Variants in CHST11 observed in about 807,000 individuals in gnomAD.
CHST11 encodes carbohydrate sulfotransferase 11.
Under a neutral mutation model 30.4 loss-of-function variants are expected in CHST11, and 9 were observed. The observed-to-expected ratio is 0.30, with a 90% confidence interval of 0.18 to 0.52. The LOEUF (loss-of-function observed/expected upper bound fraction) is 0.52, where lower values mean the gene tolerates loss of function less well. Ranked by LOEUF, CHST11 falls within the 20% of genes least tolerant of loss-of-function variation. The pLI is 0.97. For missense variants in CHST11, 348 were observed against 460.6 expected (o/e 0.76, Z 2.24); for synonymous variants, 152 against 187.8 (o/e 0.81, Z 1.56).
intron 2 of CHST11, among the ~76,000 whole-genome samples, chr12:104,749,415 A>G (rs1381852541): frequency 1.3e-5 from 2 of 152,142 alleles, no homozygotes; most frequent in Non-Finnish European, 2.9e-5. Context: ...TTTTTATTTC[A>G]TACTGCACAT....
At position 104,711,056 on chromosome 12, in the gene CHST11, G is replaced by T. The variant is rs118054781; in HGVS notation, c.205-45893G>T. ...AGCAAAACTTCCATTTTAACATCCT[G>T]TTGCAATTATCAAATATTTGCGTGG... On this transcript the variant is annotated intron_variant, in intron 2 of 2. Coordinates refer to ENST00000303694, the MANE Select transcript of CHST11 (RefSeq NM_018413.6). 6.8e-4 allele frequency among the ~76,000 whole-genome samples: 104 copies of T among 152,226 alleles called. No individual in the cohort carries two copies. The East Asian group carries it at 0.018, about 27-fold the overall frequency.
intron 2 of CHST11, among the ~76,000 whole-genome samples, chr12:104,663,227 G>T (rs577995835): frequency 2.6e-5 from 4 of 152,306 alleles, no homozygotes; most frequent in African/African-American, 9.6e-5. Flanking sequence ...CTTCCATCTC[G>T]TGACGTTCTA....
intron 2 of CHST11, among the ~76,000 whole-genome samples, chr12:104,740,919 C>A (rs558032187): frequency 6.6e-6 from 1 of 152,368 alleles, no homozygotes; most frequent in Non-Finnish European, 1.5e-5. Flanking sequence ...CTTCCTGTTC[C>A]ACTTTCACTA....
Position 104,510,406 on chromosome 12 carries a change from A to G in CHST11, c.118+52877A>G, listed in dbSNP as rs183594308. On this transcript the variant is annotated intron_variant, in intron 1 of 2. Transcript: ENST00000303694. ...TGTTTGCAATTTATGCATGATGAAG[A>G]TAAGAATGTTACTTCGTGCTGTTCT... Among the ~76,000 whole-genome samples, 653 of 152,356 alleles carry G rather than the reference A, an allele frequency of 4.3e-3. 8 individuals carry two copies. The highest frequency in any genetic ancestry group is 2.2e-3 in the Non-Finnish European group (150 of 68,038).
intron 2 of CHST11, among the ~76,000 whole-genome samples, chr12:104,617,176 A>G (rs780532823): frequency 6.6e-6 from 1 of 152,190 alleles, no homozygotes; most frequent in South Asian, 2.1e-4. Context: ...AGGTCACCGC[A>G]GTACCTGTAA....
At chr12:104,507,170 G>A (rs540218385) in intron 1 of CHST11, among the ~76,000 whole-genome samples, 10 of 152,304 alleles carry the variant, frequency 6.6e-5, no homozygotes, top group East Asian at 3.9e-4. Context: ...CTCCCTGTGC[G>A]TGTTGCAGAG....
chr12:104,728,623 T>C (rs1356276018), intron 2 of CHST11, among the ~76,000 whole-genome samples: 1 of 152,172 alleles, frequency 6.6e-6, no homozygotes. Flanking sequence ...CATGATGTGC[T>C]CTTGTCCCAC....
intron 1 of CHST11, among the ~76,000 whole-genome samples, chr12:104,520,519 A>G (rs1384311334): frequency 6.6e-6 from 1 of 152,208 alleles, no homozygotes; most frequent in Non-Finnish European, 1.5e-5. Context: ...AAACAAAAAA[A>G]AACAAACCTC....
chr12:104,534,223 A>C (rs1266823994), intron 1 of CHST11, among the ~76,000 whole-genome samples: 3 of 152,214 alleles, frequency 2.0e-5, no homozygotes, highest in Non-Finnish European at 4.4e-5. Context: ...CTTAGTTCAG[A>C]ATATTGCTTT....
intron 2 of CHST11, among the ~76,000 whole-genome samples, chr12:104,704,398 C>T (rs963892630): frequency 6.6e-5 from 10 of 152,274 alleles, no homozygotes; most frequent in South Asian, 2.1e-4. Context: ...CTGCGGGAGC[C>T]GGGCAGCAGC....
chr12:104,630,288 TG>T (rs200892004), intron 2 of CHST11, among the ~76,000 whole-genome samples: 7,533 of 152,290 alleles, frequency 0.049, 262 homozygotes, highest in Non-Finnish European at 0.074. Flanking sequence ...TGTGTGGCTT[TG>T]GGGAAGTTGC....
chr12:104,492,872 A>G (rs2037760816), intron 1 of CHST11, among the ~76,000 whole-genome samples: 1 of 152,182 alleles, frequency 6.6e-6, no homozygotes, highest in African/African-American at 2.4e-5. Flanking sequence ...TCTCTACTAA[A>G]AAATACAAAA....
chr12:104,738,801 C>T lies in CHST11; in HGVS notation c.205-18148C>T, dbSNP rs530197932. On this transcript the variant is annotated intron_variant, in intron 2 of 2. Coordinates refer to ENST00000303694, the MANE Select transcript of CHST11 (RefSeq NM_018413.6). The stretch of plus-strand genomic sequence containing the variant: ...CACTCCAGCTGCCACACTGCATTGC[C>T]ATCTTTTCTGTTCCTTGTCCCTGTT... Among the ~76,000 whole-genome samples the T allele has an allele frequency of 7.2e-5, 11 of 152,376 alleles. No homozygotes were observed. In the East Asian group the frequency reaches 1.3e-3, roughly 19 times the overall value.
intron 1 of CHST11, among the ~76,000 whole-genome samples, chr12:104,497,909 C>CTTTTTTT (rs1205174607): frequency 3.4e-4 from 26 of 75,698 alleles, no homozygotes; most frequent in Non-Finnish European, 4.9e-4. Flanking sequence ...CCTGCCCCCT[C>CTTTTTTT]TTTTTTTTTT....
intron 2 of CHST11, among the ~76,000 whole-genome samples, chr12:104,698,783 G>T (rs1333728510): frequency 6.6e-6 from 1 of 152,186 alleles, no homozygotes; most frequent in Non-Finnish European, 1.5e-5. Context: ...AACATAGCAT[G>T]TGCAAATGAA....
chr12:104,573,439 A>G (rs896112274), intron 1 of CHST11, among the ~76,000 whole-genome samples: 2 of 152,142 alleles, frequency 1.3e-5, no homozygotes, highest in African/African-American at 4.8e-5. Context: ...TGGAGGCATC[A>G]CGCTACCTGA....
In CHST11 at chr12:104,757,566, C is replaced by G. The variant is rs761468974; in HGVS notation, c.822C>G (p.Asp274Glu). The G allele has an allele frequency of 1.9e-5, 31 of 1,614,068 alleles. No homozygotes were observed. The highest frequency in any genetic ancestry group is 5.1e-6 in the Non-Finnish European group (6 of 1,180,044). ...SLCHPCHIHY[D>E]LVGKYETLEE... ...GCCATCCCTGCCACATCCACTATGACCTCGTGGGCAAGTACGAGACACTGG... is the reference window on the plus strand; with the variant it reads ...GCCATCCCTGCCACATCCACTATGAGCTCGTGGGCAAGTACGAGACACTGG... Residue 274 changes from aspartate (D) to glutamate (E), a missense_variant, in exon 3 of 3, where the codon GAC becomes GAG. Transcript: ENST00000303694. This position sits in a 1 kb window ranked among gnomAD's most constrained non-coding sequence, Gnocchi z 6.5.
intron 2 of CHST11, among the ~76,000 whole-genome samples, chr12:104,619,175 T>C (rs1489600980): frequency 6.6e-6 from 1 of 152,204 alleles, no homozygotes; most frequent in Non-Finnish European, 1.5e-5. Flanking sequence ...CATGGTGGGC[T>C]GTGTGCCCAC....
intron 2 of CHST11, among the ~76,000 whole-genome samples, chr12:104,698,334 T>C (rs1201121359): frequency 6.6e-6 from 1 of 152,208 alleles, no homozygotes; most frequent in Non-Finnish European, 1.5e-5. Context: ...TCTTGCTCCC[T>C]CTGCCAATGT....
Sources: gnomAD v4.1 joint callset for allele counts (sites outside exome capture counted in the v4.1 genomes callset) on GRCh38, gnomAD v4.1.1 for gene constraint, Gnocchi (gnomAD v3.1) non-coding constraint, MANE v1.5 for transcripts, NCBI Gene and HGNC (gene_info 2026-07-23, HGNC 2026-07-21) for gene names.